Variants in TAFA5 observed in about 807,000 individuals in gnomAD.
The protein encoded by TAFA5 is chemokine-like protein TAFA-5.
TAFA5 carries 6 observed loss-of-function variants against 15.3 expected under a neutral mutation model. The observed-to-expected ratio is 0.39, with a 90% CI of 0.21 to 0.77. The LOEUF (loss-of-function observed/expected upper bound fraction) is 0.77, where lower values mean the gene tolerates loss of function less well. TAFA5 is among the 30% of genes least tolerant of loss of function. The probability of loss-of-function intolerance (pLI) is 0.41; values close to 1 mark genes in which losing one functional copy is unlikely to be tolerated. For synonymous variants in TAFA5, 103 were observed against 80.7 expected (o/e 1.28, Z -1.48); for missense variants, 161 against 193.1 (o/e 0.83, Z 0.98).
At chr22:48,728,127 T>C (rs1462048162) in intron 3 of TAFA5, among the ~76,000 whole-genome samples, 1 of 152,198 alleles carries the variant, frequency 6.6e-6, no homozygotes, top group African/African-American at 2.4e-5. Context: ...CAAACAAGGC[T>C]GCTTCCAATT....
intron 1 of TAFA5, among the ~76,000 whole-genome samples, chr22:48,526,311 G>A (rs969482203): frequency 6.6e-6 from 1 of 152,226 alleles, no homozygotes; most frequent in Admixed American, 6.5e-5. Flanking sequence ...GCCAGGAGCC[G>A]AGGGAGCTTT....
chr22:48,746,479 G>A (rs1930330899), intron 3 of TAFA5, among the ~76,000 whole-genome samples: 1 of 152,052 alleles, frequency 6.6e-6, no homozygotes, highest in Non-Finnish European at 1.5e-5. Flanking sequence ...GGGTGACAAG[G>A]CCAGACCCCG....
chr22:48,624,426 C>A (rs1050767739), intron 1 of TAFA5, among the ~76,000 whole-genome samples: 1 of 152,168 alleles, frequency 6.6e-6, no homozygotes, highest in Non-Finnish European at 1.5e-5. Flanking sequence ...GAGGGACAGG[C>A]CGCCTCCATG....
chr22:48,547,804 C>G (rs1440943736), intron 1 of TAFA5, among the ~76,000 whole-genome samples: 1 of 152,204 alleles, frequency 6.6e-6, no homozygotes, highest in African/African-American at 2.4e-5. Context: ...GTCTCCGTCT[C>G]TCTCCAGAGG....
chr22:48,581,838 G>A (rs527498740), intron 1 of TAFA5, among the ~76,000 whole-genome samples: 7 of 152,256 alleles, frequency 4.6e-5, no homozygotes, highest in East Asian at 3.9e-4. Flanking sequence ...AGCAGCGCAC[G>A]CAGGCAGTGG....
At chr22:48,494,525 CAGGGGCCTGTG>C (rs1282491633) in intron 1 of TAFA5, among the ~76,000 whole-genome samples, 2 of 152,182 alleles carry the variant, frequency 1.3e-5, no homozygotes, top group African/African-American at 4.8e-5. Context: ...GAGGCTGTGT[CAGGGGCCTGTG>C]TTGGTGCAGA....
At chr22:48,744,012 G>A (rs1930255776) in intron 3 of TAFA5, among the ~76,000 whole-genome samples, 1 of 152,348 alleles carries the variant, frequency 6.6e-6, no homozygotes, top group South Asian at 2.1e-4. Context: ...TCAGTCCTAG[G>A]GCTGGGTTTG....
chr22:48,691,202 G>A (rs532889774), intron 2 of TAFA5, among the ~76,000 whole-genome samples: 2 of 152,182 alleles, frequency 1.3e-5, no homozygotes, highest in East Asian at 1.9e-4. Flanking sequence ...AAGCTGGCTC[G>A]GGTGCGAGGT....
At chr22:48,627,147 C>A (rs137912206) in intron 1 of TAFA5, among the ~76,000 whole-genome samples, 1 of 152,196 alleles carries the variant, frequency 6.6e-6, no homozygotes. Flanking sequence ...ATTGGCACCA[C>A]GTATGTGTGT....
At chr22:48,628,069 G>T (rs887215339) in intron 1 of TAFA5, among the ~76,000 whole-genome samples, 1 of 152,204 alleles carries the variant, frequency 6.6e-6, no homozygotes, top group Non-Finnish European at 1.5e-5. Flanking sequence ...AGCCAGGCTG[G>T]GGTGGGCACA....
intron 3 of TAFA5, among the ~76,000 whole-genome samples, chr22:48,709,399 C>T (rs9617506): frequency 0.4 from 52,147 of 131,858 alleles, 9,490 homozygotes; most frequent in Non-Finnish European, 0.45. Context: ...TCTCCTCTGT[C>T]CCTGCTGGTT....
chr22:48,706,424 C>G (rs896017977), intron 2 of TAFA5, among the ~76,000 whole-genome samples: 1 of 152,242 alleles, frequency 6.6e-6, no homozygotes. Flanking sequence ...TGAAGCGAGC[C>G]ACATGCAGTC....
At chr22:48,636,672 C>T (rs1435554636) in intron 1 of TAFA5, among the ~76,000 whole-genome samples, 2 of 91,806 alleles carry the variant, frequency 2.2e-5, no homozygotes, top group Admixed American at 2.4e-4. Context: ...ATGGTGCCCC[C>T]ACTTGTGGCA....
At chr22:48,694,387 A>G in intron 2 of TAFA5, among the ~76,000 whole-genome samples, 1 of 152,174 alleles carries the variant, frequency 6.6e-6, no homozygotes, top group African/African-American at 2.4e-5. Context: ...CTGCTGGGAC[A>G]CCCTGCGCGT....
At chr22:48,555,280 G>A (rs1026278299) in intron 1 of TAFA5, among the ~76,000 whole-genome samples, 5 of 152,208 alleles carry the variant, frequency 3.3e-5, no homozygotes, top group African/African-American at 1.2e-4. Context: ...TAAGCGGCAC[G>A]ACCGGCTTCC....
intron 1 of TAFA5, among the ~76,000 whole-genome samples, chr22:48,518,091 C>T (rs1039295948): frequency 6.6e-6 from 1 of 152,212 alleles, no homozygotes; most frequent in Non-Finnish European, 1.5e-5. Flanking sequence ...CCCAGGCCCA[C>T]CAGGCAGCCC....
At chr22:48,618,303 C>T (rs1205490029) in intron 1 of TAFA5, among the ~76,000 whole-genome samples, 2 of 152,206 alleles carry the variant, frequency 1.3e-5, no homozygotes, top group African/African-American at 4.8e-5. Flanking sequence ...CGAACTGCAC[C>T]GTGGCAGGCC....
chr22:48,493,466 T>C (rs1318549608), intron 1 of TAFA5, among the ~76,000 whole-genome samples: 2 of 152,248 alleles, frequency 1.3e-5, no homozygotes, highest in Non-Finnish European at 2.9e-5. Flanking sequence ...ATAAATACAA[T>C]TTATTGCATA....
intron 2 of TAFA5, among the ~76,000 whole-genome samples, chr22:48,691,537 G>T (rs551147437): frequency 1.3e-5 from 2 of 152,310 alleles, no homozygotes; most frequent in African/African-American, 4.8e-5. Flanking sequence ...ATGCAGCCTC[G>T]CGAGGAACGC....
Sources: gnomAD v4.1 joint callset for allele counts (sites outside exome capture counted in the v4.1 genomes callset) on GRCh38, gnomAD v4.1.1 for gene constraint, MANE v1.5 for transcripts, NCBI Gene and HGNC (gene_info 2026-07-23, HGNC 2026-07-21) for gene names.